STK3: variants seen among roughly 807,000 people sequenced by gnomAD.
The protein encoded by STK3 is serine/threonine kinase 3.
Under a neutral mutation model 58.0 loss-of-function variants are expected in STK3, and 41 were observed. The ratio of observed to expected loss-of-function variants is 0.71; its 90% confidence interval spans 0.55 to 0.92. The LOEUF (loss-of-function observed/expected upper bound fraction) is 0.92. Among genes scored for constraint, STK3 ranks in the 40% least tolerant of loss-of-function variants. STK3 has a pLI of 0.00. For synonymous variants in STK3, 170 were observed against 191.0 expected, an observed-to-expected ratio of 0.89 and a Z score of 0.91; for missense variants, 479 against 602.7, an observed-to-expected ratio of 0.79 and a Z score of 2.15.
chr8:98,444,237 G>A (rs769699753), intron 1 of STK3, among the ~76,000 whole-genome samples: 7 of 152,228 alleles, frequency 4.6e-5, no homozygotes, highest in African/African-American at 7.2e-5. Context: ...CTGAAAGGAT[G>A]AGTAAGACTT....
intron 3 of STK3, among the ~76,000 whole-genome samples, chr8:98,839,609 G>A (rs988690262): frequency 6.6e-6 from 1 of 152,144 alleles, no homozygotes; most frequent in African/African-American, 2.4e-5. Context: ...TTTCCAAAGG[G>A]AGTGATTCCC....
At chr8:98,651,979 G>A (rs1005002128) in intron 6 of STK3, among the ~76,000 whole-genome samples, 1 of 151,938 alleles carries the variant, frequency 6.6e-6, no homozygotes, top group Non-Finnish European at 1.5e-5. Flanking sequence ...GAAATACAGA[G>A]AACGCCACAA....
At chr8:98,765,765 G>A (rs909473761) in intron 3 of STK3, among the ~76,000 whole-genome samples, 5 of 152,202 alleles carry the variant, frequency 3.3e-5, no homozygotes, top group African/African-American at 1.2e-4. Context: ...TTCCTTTGTT[G>A]CTGCTGTACT....
chr8:98,553,307 G>T (rs1365338862), intron 8 of STK3: 2 of 152,128 alleles, frequency 1.3e-5, no homozygotes, highest in African/African-American at 4.8e-5. Flanking sequence ...TTACAGTACT[G>T]TAATTGTCTA....
chr8:98,897,919 C>T (rs4735583), intron 1 of STK3, among the ~76,000 whole-genome samples: 1 of 152,334 alleles, frequency 6.6e-6, no homozygotes, highest in East Asian at 1.9e-4. Flanking sequence ...CAGCCCCTTA[C>T]AGCTTGAATA....
intron 2 of STK3, among the ~76,000 whole-genome samples, chr8:98,436,434 A>T (rs530736702): frequency 1.3e-5 from 2 of 152,210 alleles, no homozygotes; most frequent in Admixed American, 1.3e-4. Context: ...ACTTCACTCC[A>T]AACTTGCTCT....
intron 6 of STK3, among the ~76,000 whole-genome samples, chr8:98,630,724 G>GAGGAGAAGA (rs992071504): frequency 6.8e-6 from 1 of 146,850 alleles, no homozygotes; most frequent in African/African-American, 2.6e-5. Context: ...GGAGGAGAAG[G>GAGGAGAAGA]AGGAGAAGAA....
At chr8:98,496,182 A>G (rs141285187) in intron 10 of STK3, among the ~76,000 whole-genome samples, 80 of 152,238 alleles carry the variant, frequency 5.3e-4, no homozygotes, top group African/African-American at 1.7e-3. Context: ...TCCTCAATAT[A>G]TATTTGCTGA....
chr8:98,562,599 T>C (rs1017499073), intron 8 of STK3, among the ~76,000 whole-genome samples: 1 of 151,508 alleles, frequency 6.6e-6, no homozygotes, highest in African/African-American at 2.4e-5. Context: ...ATGTGTATCG[T>C]TTTGATGCCT....
chr8:98,868,167 TAAAAG>T (rs1368423507), intron 3 of STK3, among the ~76,000 whole-genome samples: 11 of 152,036 alleles, frequency 7.2e-5, no homozygotes, highest in Non-Finnish European at 4.4e-5. Flanking sequence ...GCAGAATAAA[TAAAAG>T]AAAACTTTAA....
In STK3 at chr8:98,825,066, T is replaced by C. The variant is rs573893013; in HGVS notation, c.26+449A>G. On this transcript the variant is annotated intron_variant, in intron 1 of 10. Transcript: ENST00000419617. ...TAAATACCATACCAAAGCAGCACTA[T>C]TTTTACACGCAAAACTATATTGGGG... Among the ~76,000 whole-genome samples, 24 of 152,318 alleles carry C rather than the reference T, an allele frequency of 1.6e-4. 1 individual carries two copies. In the South Asian group the frequency reaches 2.9e-3, roughly 18 times the overall value.
At chr8:98,481,720 T>C (rs1586670002) in intron 10 of STK3, among the ~76,000 whole-genome samples, 2 of 141,152 alleles carry the variant, frequency 1.4e-5, no homozygotes, top group East Asian at 2.0e-4. Flanking sequence ...CTAAAGCTAT[T>C]GAAAAAAAAA....
intron 6 of STK3, among the ~76,000 whole-genome samples, chr8:98,629,146 G>A (rs1818979369): frequency 6.6e-6 from 1 of 152,142 alleles, no homozygotes; most frequent in Non-Finnish European, 1.5e-5. Flanking sequence ...AAAGACTCAA[G>A]TACTTCATAC....
chr8:98,391,837 G>A (rs563345585), upstream of STK3, among the ~76,000 whole-genome samples: 1 of 152,248 alleles, frequency 6.6e-6, no homozygotes, highest in African/African-American at 2.4e-5. Flanking sequence ...ATGTGCCTCT[G>A]AAGATGTGCC....
intron 3 of STK3, among the ~76,000 whole-genome samples, chr8:98,421,158 C>T (rs1333045208): frequency 6.6e-6 from 1 of 152,178 alleles, no homozygotes; most frequent in African/African-American, 2.4e-5. Context: ...CCACTGGTCC[C>T]AGAAGGTAGG....
intron 10 of STK3, among the ~76,000 whole-genome samples, chr8:98,524,608 T>C (rs1825613193): frequency 6.6e-6 from 1 of 152,242 alleles, no homozygotes; most frequent in African/African-American, 2.4e-5. Flanking sequence ...TTGATGCTAT[T>C]ATCAATGGAC....
chr8:98,641,251 T>C (rs1397695726), intron 6 of STK3, among the ~76,000 whole-genome samples: 4 of 152,176 alleles, frequency 2.6e-5, no homozygotes, highest in African/African-American at 9.7e-5. Flanking sequence ...TAATTGACTT[T>C]TGACCATGTT....
intron 3 of STK3, among the ~76,000 whole-genome samples, chr8:98,846,602 CCAAGCGTATA>C (rs1836207785): frequency 6.6e-6 from 1 of 152,110 alleles, no homozygotes; most frequent in South Asian, 2.1e-4. Flanking sequence ...CCCAGTAGCT[CCAAGCGTATA>C]GGTTACTTAG....
At chr8:98,464,033 C>A (rs1820224141) in intron 10 of STK3, among the ~76,000 whole-genome samples, 2 of 152,138 alleles carry the variant, frequency 1.3e-5, no homozygotes, top group Non-Finnish European at 2.9e-5. Flanking sequence ...CTCTTCCTAG[C>A]AACTGTTTAA....
Sources: gnomAD v4.1 joint callset for allele counts (sites outside exome capture counted in the v4.1 genomes callset) on GRCh38, gnomAD v4.1.1 for gene constraint, MANE v1.5 for transcripts, NCBI Gene and HGNC (gene_info 2026-07-23, HGNC 2026-07-21) for gene names.